The following MRE11 variants were observed in gnomAD, a reference collection of about 807,000 sequenced individuals.
MRE11 encodes the protein double-strand break repair protein MRE11.
A neutral mutation model predicts 91.7 loss-of-function variants in MRE11; 62 were observed. That is an observed-to-expected ratio of 0.68 (90% CI 0.55 to 0.84). The LOEUF is 0.84. Among genes scored for constraint, MRE11 ranks in the 40% least tolerant of loss-of-function variants. The pLI is 0.00. For synonymous variants in MRE11, 273 were observed against 271.4 expected, an observed-to-expected ratio of 1.01 and a Z score of -0.06; for missense variants, 796 against 852.9, an observed-to-expected ratio of 0.93 and a Z score of 0.83.
chr11:94,457,629 C>T (rs1309217795), intron 13 of MRE11, among the ~76,000 whole-genome samples: 4 of 152,120 alleles, frequency 2.6e-5, no homozygotes, highest in African/African-American at 9.7e-5. Flanking sequence ...GAACACTGAA[C>T]AGGCACTATG....
At position 94,445,911 on chromosome 11, in the gene MRE11, A is replaced by C. The variant is rs1198370054; in HGVS notation, c.1784-18T>G. On this transcript the variant is annotated intron_variant, in intron 15 of 19. Coordinates refer to ENST00000323929, the MANE Select transcript of MRE11 (RefSeq NM_005591.4). ...AGTGTCTGCTGTTAGAAAAATGAAC[A>C]GTCAATGTACAAGCCTATCAGCAGC... 6.3e-7 allele frequency: 1 copy of C among 1,583,668 alleles called. No individual in the cohort carries two copies. The highest frequency in any genetic ancestry group is 1.1e-5 in the South Asian group (1 of 90,498).
chr11:94,430,485 CT>C (rs56158500), intron 18 of MRE11, among the ~76,000 whole-genome samples: 32,350 of 143,668 alleles, frequency 0.23, 3,561 homozygotes, highest in East Asian at 0.32. Flanking sequence ...TCTTTTTACT[CT>C]TTTTTTTTTT....
At chr11:94,458,183 T>C (rs963363113) in intron 13 of MRE11, among the ~76,000 whole-genome samples, 22 of 138,114 alleles carry the variant, frequency 1.6e-4, no homozygotes, top group African/African-American at 5.0e-4. Flanking sequence ...AGGGAATGAG[T>C]TTTTTTTTTT....
At chr11:94,504,850 TAAG>T in the MRE11 span, among the ~76,000 whole-genome samples, 2 of 152,270 alleles carry the variant, frequency 1.3e-5, no homozygotes, top group Admixed American at 6.5e-5. Flanking sequence ...TAACTTTTTA[TAAG>T]AAAACTTTAG....
At chr11:94,511,387 T>G in the MRE11 span, among the ~76,000 whole-genome samples, 1 of 152,202 alleles carries the variant, frequency 6.6e-6, no homozygotes, top group Non-Finnish European at 1.5e-5. Flanking sequence ...CAACTAAACC[T>G]TTTTTCTTTA....
chr11:94,492,685 T>C, intron 2 of MRE11, 97 bp downstream of exon 2: 1 of 1,526,584 alleles, frequency 6.6e-7, no homozygotes, highest in Non-Finnish European at 9.1e-7. Context: ...AGGTTCCTTA[T>C]TTACTGCTTA....
intron 16 of MRE11, among the ~76,000 whole-genome samples, chr11:94,437,660 C>T (rs1422305481): frequency 6.6e-6 from 1 of 152,158 alleles, no homozygotes; most frequent in Admixed American, 6.5e-5. Flanking sequence ...TTTTCCTCTA[C>T]CTTAGTAGCC....
chr11:94,497,299 C>A, upstream of MRE11: 1 of 436,306 alleles, frequency 2.3e-6, no homozygotes, highest in Non-Finnish European at 4.0e-6. Flanking sequence ...CATCATGTAT[C>A]CCTATAAGTA....
chr11:94,422,894 G>T (rs1342054156), intron 19 of MRE11, among the ~76,000 whole-genome samples: 1 of 152,006 alleles, frequency 6.6e-6, no homozygotes, highest in Non-Finnish European at 1.5e-5. Context: ...TGTATTTTCA[G>T]TAGAGACGGG....
In MRE11 at chr11:94,419,866, CA is replaced by C. The variant is rs903751762; in HGVS notation, c.*258del. 3.5e-6 allele frequency: 1 copy of C among 289,570 alleles called. No homozygotes were observed. Among genetic ancestry groups the C allele is most frequent in the African/African-American group, 2.1e-5 (1 of 46,870 alleles). 17.9% of individuals were successfully genotyped at this position (289,570 alleles called of 1,614,324 possible). A position where few individuals can be genotyped will look rare whatever the true frequency, so the allele number is the denominator to read the frequency against. On this transcript the variant is annotated 3_prime_UTR_variant, in exon 20 of 20. Transcript: ENST00000323929. ...ATATTAAAATACTGACATAGTTTTTCATTATGAAATAGAAATGTAAAATGGT... is the reference window on the plus strand; with the variant it reads ...ATATTAAAATACTGACATAGTTTTTCTTATGAAATAGAAATGTAAAATGGT...
chr11:94,450,801 C>T (rs1946079347), intron 14 of MRE11, among the ~76,000 whole-genome samples: 1 of 152,000 alleles, frequency 6.6e-6, no homozygotes, highest in Non-Finnish European at 1.5e-5. Context: ...AAAATAAAGC[C>T]TATCCAAGTA....
Position 94,486,531 on chromosome 11 carries a change from ACT to A in MRE11, c.154-449_154-448del, listed in dbSNP as rs138248698. On this transcript the variant is annotated intron_variant, in intron 3 of 19. Coordinates refer to ENST00000323929, the MANE Select transcript of MRE11 (RefSeq NM_005591.4). ...ATATCCCTGCCCTCATTAAATACTG[ACT>A]CTATGCAAGACCCTCTACTGAGTCC... Among the ~76,000 whole-genome samples the A allele has an allele frequency of 9.3e-3, 1,422 of 152,258 alleles. 13 individuals carry two copies. The highest frequency in any genetic ancestry group is 0.02 in the Middle Eastern group (6 of 294).
At position 94,464,173 on chromosome 11, in the gene MRE11, C is replaced by A. The variant is rs876660518; in HGVS notation, c.1165G>T (p.Val389Leu). 6.2e-6 allele frequency: 10 copies of A among 1,613,798 alleles called. No homozygotes were observed. Among genetic ancestry groups the A allele is most frequent in the Non-Finnish European group, 8.5e-6 (10 of 1,179,842 alleles). The stretch of plus-strand genomic sequence containing the variant: ...TGGATAATGTCTTTTGGATTAGCTA[C>A]CCGATCCACAAATTTCTGGCTAAAG... ...LRFSQKFVDR[V>L]ANPKDIIHFF... The change falls in exon 11 of 20, where the codon GTA becomes TTA. Residue 389 changes from valine to leucine, a missense_variant. Coordinates refer to ENST00000323929, the MANE Select transcript of MRE11 (RefSeq NM_005591.4).
At position 94,418,066 on chromosome 11, in the gene MRE11, T is replaced by G. The variant is rs1319392576; in HGVS notation, c.*2059A>C. ...GCTGCTTTCAAATCATCTGAAAGAC[T>G]TCTACATTCCTATACCAACAGGTCT... On this transcript the variant is annotated 3_prime_UTR_variant, in exon 20 of 20. Transcript: ENST00000323929. 1.3e-5 allele frequency: 3 copies of G among 233,012 alleles called. No individual in the cohort carries two copies. The highest frequency in any genetic ancestry group is 2.5e-5 in the Non-Finnish European group (3 of 118,002). The allele number at this position is 233,012 out of a possible 1,614,324, so 14.4% of individuals were successfully genotyped here.
the MRE11 span, chr11:94,498,952 T>G: frequency 5.9e-6 from 1 of 170,914 alleles, no homozygotes; most frequent in Non-Finnish European, 1.2e-5. Context: ...AATATTCTGA[T>G]ACAATTCAGC....
intron 4 of MRE11, among the ~76,000 whole-genome samples, chr11:94,484,347 C>T (rs954928623): frequency 1.3e-5 from 2 of 152,166 alleles, no homozygotes; most frequent in African/African-American, 4.8e-5. Context: ...TAGAATATCA[C>T]AGTTATAACT....
the MRE11 span, among the ~76,000 whole-genome samples, chr11:94,503,578 T>C: frequency 2.3e-3 from 348 of 151,940 alleles, 2 homozygotes; most frequent in African/African-American, 8.0e-3. Flanking sequence ...TAGTCCTAGC[T>C]ACTCGGGAGG....
intron 19 of MRE11, among the ~76,000 whole-genome samples, chr11:94,423,677 T>A (rs1591626733): frequency 6.6e-6 from 1 of 152,156 alleles, no homozygotes; most frequent in East Asian, 1.9e-4. Context: ...CCTAGCCTTG[T>A]TTTTTGCTGG....
intron 3 of MRE11, among the ~76,000 whole-genome samples, chr11:94,490,068 C>G (rs1190784793): frequency 6.6e-6 from 1 of 152,170 alleles, no homozygotes; most frequent in Non-Finnish European, 1.5e-5. Flanking sequence ...AAAAAAGCCT[C>G]TAACTGGTCT....
Sources: allele counts gnomAD v4.1 joint callset (sites outside exome capture counted in the v4.1 genomes callset), GRCh38; gene constraint gnomAD v4.1.1; transcripts MANE v1.5; gene names NCBI Gene and HGNC (gene_info 2026-07-23, HGNC 2026-07-21).